PRH1: variants seen among roughly 807,000 people sequenced by gnomAD.
PRH1 encodes proline rich protein HaeIII subfamily 1.
PRH1 carries 7 observed loss-of-function variants against 7.9 expected under a neutral mutation model. The ratio of observed to expected loss-of-function variants is 0.89; its 90% CI spans 0.50 to 1.67. PRH1 has a LOEUF of 1.67. Ranked by LOEUF, PRH1 falls within the 40% of genes most tolerant of loss-of-function variation. The probability of loss-of-function intolerance (pLI) is 0.00; values close to 1 mark genes in which losing one functional copy is unlikely to be tolerated. For synonymous variants in PRH1, 45 were observed against 80.8 expected (o/e 0.56, Z 2.38); for missense variants, 109 against 223.6 (o/e 0.49, Z 3.27).
At chr12:10,887,263 C>A (rs1321060944), upstream of PRH1, among the ~76,000 whole-genome samples, 1 of 152,106 alleles carries the variant, frequency 6.6e-6, no homozygotes, top group African/African-American at 2.4e-5. Context: ...CTCTGAGAGT[C>A]AGTGAGTTTC....
intron 1 of PRH1, among the ~76,000 whole-genome samples, chr12:11,160,915 T>C (rs1190469152): frequency 1.3e-5 from 2 of 152,242 alleles, no homozygotes; most frequent in African/African-American, 2.4e-5. Context: ...CACATTTGTA[T>C]GGCTATTTTA....
chr12:11,101,475 G>C (rs1025709986), intron 1 of PRH1, among the ~76,000 whole-genome samples: 7 of 151,794 alleles, frequency 4.6e-5, no homozygotes, highest in African/African-American at 1.7e-4. Flanking sequence ...GGACAACAGA[G>C]TCAGATCCTG....
intron 1 of PRH1, among the ~76,000 whole-genome samples, chr12:11,035,164 C>T (rs1194837282): frequency 1.3e-5 from 2 of 151,656 alleles, no homozygotes; most frequent in Non-Finnish European, 2.9e-5. Context: ...TTTTAGTTAT[C>T]GTGTCTGAAG....
chr12:10,927,337 A>T (rs78408724), intron 2 of PRH1, among the ~76,000 whole-genome samples: 1 of 152,238 alleles, frequency 6.6e-6, no homozygotes, highest in East Asian at 1.9e-4. Flanking sequence ...AGGACTGCTC[A>T]TCTCCAGGTC....
At chr12:10,921,632 CATTT>C (rs954358504) in intron 2 of PRH1, among the ~76,000 whole-genome samples, 3 of 152,048 alleles carry the variant, frequency 2.0e-5, no homozygotes, top group African/African-American at 4.8e-5. Flanking sequence ...TTTATTCATT[CATTT>C]ATTTATTTAC....
At chr12:10,947,084 A>C (rs1040135995) in intron 2 of PRH1, among the ~76,000 whole-genome samples, 3 of 152,164 alleles carry the variant, frequency 2.0e-5, no homozygotes, top group Non-Finnish European at 4.4e-5. Flanking sequence ...CCATGTGGCT[A>C]TGAAAAGAAT....
chr12:11,041,307 A>AAAAAAAAAAAAAAAAAAAAAAAAAAAAC (rs1565584500), intron 1 of PRH1, among the ~76,000 whole-genome samples: 1 of 97,202 alleles, frequency 1.0e-5, no homozygotes, highest in African/African-American at 4.4e-5. Flanking sequence ...AAAAAAAAAA[A>AAAAAAAAAAAAAAAAAAAAAAAAAAAAC]AAAACAAAAA....
In PRH1 at chr12:11,079,362, C is replaced by T. The variant is rs1448338906; in HGVS notation, n.124-32174G>A. 2.6e-5 allele frequency among the ~76,000 whole-genome samples: 3 copies of T among 114,040 alleles called. 1 individual carries two copies. Among genetic ancestry groups the T allele is most frequent in the Non-Finnish European group, 6.2e-5 (3 of 48,426 alleles). The allele number at this position is 114,040 out of a possible 152,430, so 74.8% of individuals were successfully genotyped here. A position where few individuals can be genotyped will look rare whatever the true frequency, so the allele number is the denominator to read the frequency against. On this transcript the variant is annotated intron_variant and non_coding_transcript_variant, in intron 1 of 4. Transcript: ENST00000541977. ...TTTCCATTTACCGTGAGGACATCAT[C>T]TGGCCAATAACTGTTCCCATAAGAA...
chr12:11,096,420 C>CA lies in PRH1; in HGVS notation n.124-49233_124-49232insT, dbSNP rs1945070039. Among the ~76,000 whole-genome samples, 4 of 115,282 alleles carry CA rather than the reference C, an allele frequency of 3.5e-5. 2 individuals are homozygous for CA. Among genetic ancestry groups the CA allele is most frequent in the Non-Finnish European group, 8.2e-5 (4 of 48,918 alleles). The allele number at this position is 115,282 out of a possible 152,430, so 75.6% of individuals were successfully genotyped here. ...AACTTTTTGTTCTCCTTATATAAATCGTTTTCTAACGGAGAAACTAAACCA... is the reference window on the plus strand; with the variant it reads ...AACTTTTTGTTCTCCTTATATAAATCAGTTTTCTAACGGAGAAACTAAACCA... On this transcript the variant is annotated intron_variant and non_coding_transcript_variant, in intron 1 of 4. Coordinates refer to the PRH1 transcript ENST00000541977.
intron 1 of PRH1, among the ~76,000 whole-genome samples, chr12:11,127,502 A>G (rs372962994): frequency 1.3e-5 from 2 of 152,302 alleles, no homozygotes; most frequent in East Asian, 3.8e-4. Context: ...TTCTACCAAA[A>G]GTGTCCAAGG....
chr12:11,102,737 C>T (rs1272879384), intron 1 of PRH1, among the ~76,000 whole-genome samples: 1 of 152,030 alleles, frequency 6.6e-6, no homozygotes, highest in Non-Finnish European at 1.5e-5. Context: ...AAAGAAACTA[C>T]TGTCACAGTG....
rs757132572 is a variant in PRH1, at chr12:10,929,274, A to T, written c.-59+44381T>A. ...GAGTGACACCAGAGCCTTCTGCAAG[A>T]TGCTTCTGATTCTGCTGTCAGTGGC... On this transcript the variant is annotated intron_variant, in intron 2 of 3. Coordinates refer to the PRH1 transcript ENST00000539853. 9.3e-6 allele frequency: 15 copies of T among 1,614,172 alleles called. No individual in the cohort carries two copies. The South Asian group carries it at 1.4e-4, about 15-fold the overall frequency.
At chr12:10,993,655 T>G (rs1202030439) in intron 1 of PRH1, among the ~76,000 whole-genome samples, 1 of 152,168 alleles carries the variant, frequency 6.6e-6, no homozygotes, top group Non-Finnish European at 1.5e-5. Flanking sequence ...AGCCAACGTA[T>G]TCCACATTTG....
intron 1 of PRH1, among the ~76,000 whole-genome samples, chr12:11,062,816 T>C (rs1009274633): frequency 6.6e-6 from 1 of 152,120 alleles, no homozygotes; most frequent in Admixed American, 6.6e-5. Context: ...AAATGACAGA[T>C]TTAAATACAC....
chr12:10,904,790 A>T (rs1949778819), intron 2 of PRH1, among the ~76,000 whole-genome samples: 1 of 152,176 alleles, frequency 6.6e-6, no homozygotes, highest in South Asian at 2.1e-4. Context: ...ACAAGGGTCT[A>T]ATATCCCAAA....
In PRH1 at chr12:11,089,407, CT is replaced by C. The variant is rs1944807012; in HGVS notation, n.124-42220del. Among the ~76,000 whole-genome samples, 3 of 106,666 alleles carry C rather than the reference CT, an allele frequency of 2.8e-5. 1 individual carries two copies. The highest frequency in any genetic ancestry group is 9.2e-5 in the African/African-American group (3 of 32,592). 70.0% of individuals were successfully genotyped at this position (106,666 alleles called of 152,430 possible). The stretch of plus-strand genomic sequence containing the variant: ...GACTAATGCCAGCTGTGGTTTCCCC[CT>C]GTAGCCCTTCTGGAAAAAGTGCTGG... On this transcript the variant is annotated intron_variant and non_coding_transcript_variant, in intron 1 of 4. Transcript: ENST00000541977.
intron 2 of PRH1, among the ~76,000 whole-genome samples, chr12:10,972,928 A>ACCCCCCCCCCC (rs199859766): frequency 4.0e-5 from 4 of 100,386 alleles, no homozygotes; most frequent in Admixed American, 2.2e-4. Flanking sequence ...AAGCACCACA[A>ACCCCCCCCCCC]CCCACCCCCC....
intron 2 of PRH1, chr12:10,964,810 CGTG>C (rs1938426199): frequency 3.5e-6 from 2 of 565,390 alleles, no homozygotes; most frequent in South Asian, 3.5e-5. Context: ...AGTTTGCAAG[CGTG>C]GTTACAGTCA....
At chr12:11,140,531 G>C (rs2600337) in intron 1 of PRH1, among the ~76,000 whole-genome samples, 127,448 of 152,138 alleles carry the variant, frequency 0.84, 53,576 homozygotes, top group East Asian at 0.96. Flanking sequence ...CAACGTCAAA[G>C]AGGAAATCAT....
Sources: gnomAD v4.1 joint callset for allele counts (sites outside exome capture counted in the v4.1 genomes callset) on GRCh38, gnomAD v4.1.1 for gene constraint, MANE v1.5 for transcripts, NCBI Gene and HGNC (gene_info 2026-07-23, HGNC 2026-07-21) for gene names.